Variants in SYNE1 observed in about 807,000 individuals in gnomAD.
The protein encoded by SYNE1 is spectrin repeat containing nuclear envelope protein 1, also known as nesprin-1.
In SYNE1, 616 loss-of-function variants were observed where a neutral mutation model predicts 1,111.0. That is an observed-to-expected ratio of 0.55 (90% confidence interval 0.52 to 0.59). The LOEUF (loss-of-function observed/expected upper bound fraction) is 0.59, where lower values mean the gene tolerates loss of function less well. Among genes scored for constraint, SYNE1 ranks in the 20% least tolerant of loss-of-function variants. The pLI is 0.00. For missense variants in SYNE1, 10,006 were observed against 10,417.0 expected (o/e 0.96, Z 1.72); for synonymous variants, 3,855 against 3,825.8 (o/e 1.01, Z -0.28).
At chr6:152,302,183 G>T (rs2095209737) in intron 91 of SYNE1, 120 bp from the exon 92 acceptor site, 4 of 1,366,046 alleles carry the variant, frequency 2.9e-6, no homozygotes, top group Non-Finnish European at 3.1e-6. Flanking sequence ...GGCCCGGGAG[G>T]CAGGATGTGT....
At chr6:152,316,431 T>A (rs2095721682) in intron 87 of SYNE1, 1 of 219,138 alleles carries the variant, frequency 4.6e-6, no homozygotes, top group Admixed American at 5.3e-5. Context: ...AGCATTCTGC[T>A]CCAAATCACA....
intron 36 of SYNE1, among the ~76,000 whole-genome samples, chr6:152,429,450 T>C (rs2098407064): frequency 1.3e-5 from 2 of 152,202 alleles, no homozygotes; most frequent in Admixed American, 1.3e-4. Context: ...ATTTAAACAA[T>C]AGAAATCTCA....
chr6:152,493,929 T>A (rs1309793415), intron 11 of SYNE1, among the ~76,000 whole-genome samples: 1 of 152,150 alleles, frequency 6.6e-6, no homozygotes, highest in Admixed American at 6.5e-5. Context: ...CGTCTTTCCG[T>A]TCCTTAAAAA....
intron 106 of SYNE1, 86 bp from the exon 107 acceptor site, chr6:152,242,526 C>T (rs913695741): frequency 2.0e-5 from 29 of 1,469,008 alleles, no homozygotes; most frequent in African/African-American, 1.2e-4. Context: ...GCACCAAGCC[C>T]GAGACCCAAC....
chr6:152,252,321 T>C (rs2089570829), intron 104 of SYNE1, among the ~76,000 whole-genome samples: 1 of 151,926 alleles, frequency 6.6e-6, no homozygotes. Flanking sequence ...ATAAATAAAA[T>C]CAGTTGTGCT....
In SYNE1 at chr6:152,255,497, T is replaced by A. The variant is rs2090595696; in HGVS notation, c.19260+94A>T. 2.2e-6 allele frequency: 3 copies of A among 1,383,834 alleles called. No homozygotes were observed. The South Asian group carries it at 3.5e-5, about 16-fold the overall frequency. 85.7% of individuals were successfully genotyped at this position (1,383,834 alleles called of 1,614,324 possible). On this transcript the variant is annotated intron_variant, in intron 103 of 145. Transcript: ENST00000367255. ...TCTGCATTATTAGAATTGTTTTATG[T>A]TTGACTTTCTTTATGCATAAAATTA...
chr6:152,258,699 T>C (rs1456759000), intron 101 of SYNE1, among the ~76,000 whole-genome samples: 2 of 152,066 alleles, frequency 1.3e-5, no homozygotes, highest in African/African-American at 4.8e-5. Context: ...ATTCAAACTT[T>C]TGACCATGTT....
rs1452545433 is a variant in SYNE1, at chr6:152,255,723, A to G, written c.19128T>C (p.Ser6376=). ...CATACAACTTCTGCTCCAAGTGTAT[A>G]CTCTGCCTCTTTGCCCCTCCACTCT... ...SSQSGGAKRQ[S]IHLEQKLYDG... Residue 6376 remains serine (S), a synonymous_variant, in exon 103 of 146, where the codon AGT becomes AGC. Transcript: ENST00000367255. 1 of 1,614,044 alleles carries G rather than the reference A, an allele frequency of 6.2e-7. No homozygotes were observed. The highest frequency in any genetic ancestry group is 8.5e-7 in the Non-Finnish European group (1 of 1,180,036).
At chr6:152,281,720 C>T (rs2094039166) in intron 97 of SYNE1, 87 bp downstream of exon 97, 2 of 1,442,046 alleles carry the variant, frequency 1.4e-6, no homozygotes, top group Non-Finnish European at 1.9e-6. Context: ...CATATATCCA[C>T]ACCAAGCCTT....
At position 152,329,919 on chromosome 6, in the gene SYNE1, C is replaced by T; in HGVS notation, c.14766G>A (p.Glu4922=). 2 of 1,614,106 alleles carry T rather than the reference C, an allele frequency of 1.2e-6. No individual in the cohort carries two copies. Among genetic ancestry groups the T allele is most frequent in the Non-Finnish European group, 8.5e-7 (1 of 1,180,022 alleles). Reference sequence around the variant, plus strand: ...GATGAATTTGGATTTTTCTGATTTCCTCTTGGATGTCCTGCAGGTTGAGGT... The same window carrying T: ...GATGAATTTGGATTTTTCTGATTTCTTCTTGGATGTCCTGCAGGTTGAGGT... ...YLDLNLQDIQ[E]EIRKIQIHQE... is the part of the protein sequence containing the mutation. The change falls in exon 78 of 146, where the codon GAG becomes GAA. Residue 4922 remains glutamate (E), a synonymous_variant. Transcript: ENST00000367255.
rs541226360 is a variant in SYNE1 at position 152,223,931 on chromosome 6, G to A, written c.21522+563C>T. The stretch of plus-strand genomic sequence containing the variant: ...GCGGTGACCTGAGACAGGAGAGAGT[G>A]CTATGTTGAAGACAAACATCAGGGA... On this transcript the variant is annotated intron_variant, in intron 117 of 145. Coordinates refer to ENST00000367255, the MANE Select transcript of SYNE1 (RefSeq NM_182961.4). Among the ~76,000 whole-genome samples, 261 of 152,270 alleles carry A rather than the reference G, an allele frequency of 1.7e-3. 3 individuals carry two copies. Among genetic ancestry groups the A allele is most frequent in the African/African-American group, 6.0e-3 (248 of 41,568 alleles).
intron 42 of SYNE1, chr6:152,410,401 T>G (rs1275668882): frequency 2.0e-5 from 3 of 152,094 alleles, no homozygotes; most frequent in Non-Finnish European, 4.4e-5. Flanking sequence ...GGCTTTTTTT[T>G]TTTTTTAAAC....
chr6:152,323,349 G>A (rs886363614), intron 82 of SYNE1, 129 bp downstream of exon 82: 104 of 1,379,780 alleles, frequency 7.5e-5, no homozygotes, highest in Middle Eastern at 2.4e-4. Context: ...TGAGGCAGGA[G>A]AATGGCGTGA....
Position 152,344,133 on chromosome 6 carries a change from T to C in SYNE1, c.12173A>G (p.Asp4058Gly). Reference protein sequence around the residue: ...CQAWLSAVQPDLEPSPQPPLS... With the variant: ...CQAWLSAVQPGLEPSPQPPLS... ...AGGTGGTTGAGGACTTGGCTCTAAA[T>C]CCGGCTGGACTGCAGAAAGCCAGGC... Residue 4058 changes from aspartate to glycine, a missense_variant, in exon 74 of 146, where the codon GAT becomes GGT. Around this residue, in one of 7 missense-constraint regions of SYNE1, gnomAD observed 4,955 missense variants for 5,017.2 expected, o/e 0.99. Transcript: ENST00000367255. The C allele has an allele frequency of 6.2e-7, 1 of 1,614,224 alleles. No homozygotes were observed. The highest frequency in any genetic ancestry group is 8.5e-7 in the Non-Finnish European group (1 of 1,180,036).
chr6:152,202,127 A>G (rs2075595888), intron 126 of SYNE1, among the ~76,000 whole-genome samples, 178 bp from the exon 127 acceptor site: 2 of 151,974 alleles, frequency 1.3e-5, no homozygotes, highest in South Asian at 4.2e-4. Context: ...CGGGTGGATC[A>G]CTCGAGGTCA....
At chr6:152,249,480 A>G (rs1369075588) in intron 104 of SYNE1, among the ~76,000 whole-genome samples, 1 of 152,246 alleles carries the variant, frequency 6.6e-6, no homozygotes, top group Non-Finnish European at 1.5e-5. Context: ...TATTTTCTAC[A>G]TAACACAAAT....
chr6:152,124,083 G>A (rs2052454753), intron 145 of SYNE1, among the ~76,000 whole-genome samples: 1 of 152,198 alleles, frequency 6.6e-6, no homozygotes, highest in Non-Finnish European at 1.5e-5. Flanking sequence ...CAGCGCTTTG[G>A]GAGGCTGAGG....
intron 42 of SYNE1, among the ~76,000 whole-genome samples, chr6:152,411,528 C>CA (rs202209398): frequency 0.023 from 3,476 of 151,776 alleles, 118 homozygotes; most frequent in African/African-American, 0.078. Context: ...ACCTCAATAA[C>CA]AAAAAAAATC....
intron 130 of SYNE1, among the ~76,000 whole-genome samples, chr6:152,174,433 T>C (rs2153111981): frequency 6.6e-6 from 1 of 152,306 alleles, no homozygotes; most frequent in East Asian, 1.9e-4. Context: ...AGAGCTCCTA[T>C]TTATCTCATT....
Sources: gnomAD v4.1 joint callset for allele counts (sites outside exome capture counted in the v4.1 genomes callset) on GRCh38, gnomAD v4.1.1 for gene constraint, gnomAD v4.1.1 regional missense constraint, MANE v1.5 for transcripts, NCBI Gene and HGNC (gene_info 2026-07-23, HGNC 2026-07-21) for gene names.